The following ZNF529 variants were observed in gnomAD, a reference collection of about 807,000 sequenced individuals.
ZNF529 encodes the protein zinc finger protein 529.
In ZNF529, 11 loss-of-function variants were observed where a neutral mutation model predicts 10.1. That is an observed-to-expected ratio of 1.09 (90% confidence interval 0.69 to 1.81). The LOEUF (loss-of-function observed/expected upper bound fraction) is 1.81. Among genes scored for constraint, ZNF529 ranks in the 40% most tolerant of loss-of-function variants. The probability of loss-of-function intolerance (pLI) is 0.00; values close to 1 mark genes in which losing one functional copy is unlikely to be tolerated. For missense variants in ZNF529, 624 were observed against 666.8 expected (o/e 0.94, Z 0.71); for synonymous variants, 204 against 215.7 (o/e 0.95, Z 0.47).
At chr19:36,586,592 G>A (rs756460323) in intron 2 of ZNF529, among the ~76,000 whole-genome samples, 45 of 150,724 alleles carry the variant, frequency 3.0e-4, no homozygotes, top group Non-Finnish European at 5.9e-4. Flanking sequence ...GCAACAGAGC[G>A]AAAGCGAGAC....
intron 2 of ZNF529, chr19:36,581,260 A>G (rs535506389): frequency 1.3e-5 from 2 of 152,352 alleles, no homozygotes; most frequent in African/African-American, 2.4e-5. Flanking sequence ...CAGTCCTTCA[A>G]TACATGGAAA....
At chr19:36,563,393 A>G (rs993676643) in intron 2 of ZNF529, among the ~76,000 whole-genome samples, 1 of 151,786 alleles carries the variant, frequency 6.6e-6, no homozygotes, top group Admixed American at 6.6e-5. Flanking sequence ...ACAGCACTCC[A>G]GCCTGGGCAA....
At chr19:36,571,649 T>C (rs1404217525) in intron 2 of ZNF529, among the ~76,000 whole-genome samples, 1 of 146,212 alleles carries the variant, frequency 6.8e-6, no homozygotes, top group Non-Finnish European at 1.5e-5. Flanking sequence ...CGCTCCAGCC[T>C]GGGCAATAAC....
At chr19:36,578,258 G>A (rs1436005301), upstream of ZNF529, among the ~76,000 whole-genome samples, 10 of 121,558 alleles carry the variant, frequency 8.2e-5, no homozygotes, top group Admixed American at 2.8e-4. Context: ...TAGAGACGAG[G>A]TTTCAACATG....
intron 2 of ZNF529, among the ~76,000 whole-genome samples, chr19:36,558,978 T>TAA (rs2035581561): frequency 1.3e-5 from 2 of 150,070 alleles, no homozygotes; most frequent in South Asian, 4.2e-4. Flanking sequence ...AAGAACCTGA[T>TAA]AGACATTTTT....
At chr19:36,562,388 G>C (rs1209546735) in intron 2 of ZNF529, among the ~76,000 whole-genome samples, 2 of 152,046 alleles carry the variant, frequency 1.3e-5, no homozygotes, top group African/African-American at 4.8e-5. Flanking sequence ...TGACTTTAAA[G>C]TTTATGCTGA....
chr19:36,562,678 C>G (rs1908277338), intron 2 of ZNF529, among the ~76,000 whole-genome samples: 1 of 151,386 alleles, frequency 6.6e-6, no homozygotes, highest in Admixed American at 6.6e-5. Flanking sequence ...TACTAAAAAA[C>G]TACAAAAAAA....
chr19:36,576,636 G>C (rs1268063927), upstream of ZNF529, among the ~76,000 whole-genome samples: 1 of 151,968 alleles, frequency 6.6e-6, no homozygotes, highest in Non-Finnish European at 1.5e-5. Context: ...AGAATTGCTT[G>C]AACCCAGGAA....
chr19:36,580,409 T>A (rs769281019), intron 2 of ZNF529: 15 of 152,206 alleles, frequency 9.9e-5, no homozygotes, highest in Non-Finnish European at 1.6e-4. Flanking sequence ...TTTATACAAC[T>A]GGAAGCACAG....
At chr19:36,549,358 C>T (rs936116455) in intron 4 of ZNF529, among the ~76,000 whole-genome samples, 10 of 151,752 alleles carry the variant, frequency 6.6e-5, no homozygotes, top group African/African-American at 2.4e-4. Flanking sequence ...ATAACAAGAC[C>T]TAAGGACATA....
chr19:36,582,868 C>T (rs1024975972), intron 2 of ZNF529, among the ~76,000 whole-genome samples: 3 of 151,858 alleles, frequency 2.0e-5, no homozygotes, highest in African/African-American at 7.3e-5. Context: ...ACAAATTGCC[C>T]ATGTCAGGAA....
chr19:36,553,997 A>G (rs2035360731), intron 4 of ZNF529, among the ~76,000 whole-genome samples: 1 of 152,204 alleles, frequency 6.6e-6, no homozygotes, highest in Non-Finnish European at 1.5e-5. Flanking sequence ...AAGATGTCTC[A>G]TTATGTATAA....
At chr19:36,595,261 G>C (rs997306094) in intron 1 of ZNF529, among the ~76,000 whole-genome samples, 6 of 152,180 alleles carry the variant, frequency 3.9e-5, no homozygotes, top group African/African-American at 1.4e-4. Context: ...AGTTGAAGAA[G>C]AGTGAATTTA....
chr19:36,544,867 T>C lies in ZNF529; in HGVS notation c.*1999A>G, dbSNP rs181749255. The C allele has an allele frequency of 5.3e-5, 8 of 152,312 alleles. No individual in the cohort carries two copies. In the East Asian group the frequency reaches 1.4e-3, roughly 26 times the overall value. 9.4% of individuals were successfully genotyped at this position (152,312 alleles called of 1,614,324 possible). Reference sequence around the variant, plus strand: ...CTGGGAAAGACATCAGTTTCAAAAATTAAAATGTAATGAATGACAGTGACA... The same window carrying C: ...CTGGGAAAGACATCAGTTTCAAAAACTAAAATGTAATGAATGACAGTGACA... On this transcript the variant is annotated 3_prime_UTR_variant, in exon 5 of 5. Transcript: ENST00000591340.
At chr19:36,557,436 G>C (rs527980213) in intron 2 of ZNF529, among the ~76,000 whole-genome samples, 1 of 152,124 alleles carries the variant, frequency 6.6e-6, no homozygotes, top group Non-Finnish European at 1.5e-5. Context: ...CATGGCAGAC[G>C]GCACCTCTTC....
intron 1 of ZNF529, among the ~76,000 whole-genome samples, chr19:36,597,569 CA>C (rs1395011909): frequency 1.3e-5 from 2 of 152,140 alleles, no homozygotes; most frequent in African/African-American, 2.4e-5. Context: ...TGTTTATCTC[CA>C]TAATGTCTGT....
chr19:36,553,208 C>T (rs2035330389), intron 4 of ZNF529, among the ~76,000 whole-genome samples: 1 of 152,166 alleles, frequency 6.6e-6, no homozygotes, highest in East Asian at 1.9e-4. Flanking sequence ...TCACTGCAAC[C>T]TCTACCTCCC....
intron 2 of ZNF529, chr19:36,580,138 A>G (rs2036430719): frequency 6.6e-6 from 1 of 152,156 alleles, no homozygotes; most frequent in South Asian, 2.1e-4. Context: ...TTACCGCCAT[A>G]TCTTGTCCAA....
chr19:36,583,745 A>G (rs1966888898), intron 2 of ZNF529, among the ~76,000 whole-genome samples: 1 of 152,206 alleles, frequency 6.6e-6, no homozygotes, highest in South Asian at 2.1e-4. Flanking sequence ...ATAACCAGAG[A>G]AAATTTCTAG....
Sources: allele counts gnomAD v4.1 joint callset (sites outside exome capture counted in the v4.1 genomes callset), GRCh38; gene constraint gnomAD v4.1.1; transcripts MANE v1.5; gene names NCBI Gene and HGNC (gene_info 2026-07-23, HGNC 2026-07-21).